CFAP77: variants seen among roughly 807,000 people sequenced by gnomAD.
CFAP77 encodes the protein cilia and flagella associated protein 77, also known as cilia- and flagella-associated protein 77.
Under a neutral mutation model 31.1 loss-of-function variants are expected in CFAP77, and 25 were observed. That is an observed-to-expected ratio of 0.80 (90% CI 0.59 to 1.12). The LOEUF (loss-of-function observed/expected upper bound fraction) is 1.12. Among genes scored for constraint, CFAP77 ranks in the 50% most tolerant of loss-of-function variants. CFAP77 has a pLI of 0.00. For synonymous variants in CFAP77, 151 were observed against 159.9 expected (o/e 0.94, Z 0.42); for missense variants, 377 against 397.3 (o/e 0.95, Z 0.44).
intron 1 of CFAP77, among the ~76,000 whole-genome samples, chr9:132,428,818 C>T (rs1338502795): frequency 6.6e-6 from 1 of 151,902 alleles, no homozygotes. Flanking sequence ...GAAGACCCCC[C>T]CCTGCTCTGC....
chr9:132,557,526 C>A (rs567372239), intron 5 of CFAP77, among the ~76,000 whole-genome samples: 4 of 152,330 alleles, frequency 2.6e-5, no homozygotes, highest in African/African-American at 9.6e-5. Context: ...AATCAGGGAC[C>A]TCACTCTTGC....
intron 1 of CFAP77, among the ~76,000 whole-genome samples, chr9:132,466,907 G>A (rs1851159316): frequency 6.6e-6 from 1 of 152,228 alleles, no homozygotes; most frequent in South Asian, 2.1e-4. Context: ...GCCAGGTGCA[G>A]TGGCTCACAC....
In CFAP77 at chr9:132,560,300, G is replaced by A. The variant is rs570554947; in HGVS notation, c.733-12088G>A. 1.5e-3 allele frequency among the ~76,000 whole-genome samples: 226 copies of A among 152,286 alleles called. 1 individual carries two copies. The highest frequency in any genetic ancestry group is 4.8e-3 in the African/African-American group (201 of 41,552). ...TGGCCACCAAGGTCTGGCCTCAGAC[G>A]AGGGGAGTCTGCTGTGTCCTCCACT... is the stretch of plus-strand genomic sequence containing the variant. On this transcript the variant is annotated intron_variant, in intron 5 of 5. Transcript: ENST00000393216.
chr9:132,462,234 T>C (rs530377), intron 1 of CFAP77, among the ~76,000 whole-genome samples: 50,947 of 152,026 alleles, frequency 0.34, 8,813 homozygotes, highest in African/African-American at 0.44. Context: ...CCAGTGCCTG[T>C]GGCTGATCTC....
chr9:132,474,858 A>T lies in CFAP77; in HGVS notation c.196-23837A>T, dbSNP rs184272316. Among the ~76,000 whole-genome samples, 472 of 152,328 alleles carry T rather than the reference A, an allele frequency of 3.1e-3. 2 individuals carry two copies. The highest frequency in any genetic ancestry group is 0.01 in the African/African-American group (430 of 41,568). On this transcript the variant is annotated intron_variant, in intron 1 of 5. Coordinates refer to ENST00000393216, the MANE Select transcript of CFAP77 (RefSeq NM_001282957.2). Reference sequence around the variant, plus strand: ...CTGATCTACTAATCATATTTCTTCAAATTTTATATCCCTGACCCTTGTAAA... The same window carrying T: ...CTGATCTACTAATCATATTTCTTCATATTTTATATCCCTGACCCTTGTAAA...
intron 3 of CFAP77, among the ~76,000 whole-genome samples, chr9:132,509,874 C>T (rs558201262): frequency 1.3e-5 from 2 of 152,274 alleles, no homozygotes; most frequent in East Asian, 3.9e-4. Context: ...GGAAGCCCAG[C>T]CTCCCTGGGG....
chr9:132,449,786 G>A (rs1758051), intron 1 of CFAP77, among the ~76,000 whole-genome samples: 67,444 of 151,732 alleles, frequency 0.44, 16,858 homozygotes, highest in African/African-American at 0.68. Flanking sequence ...GACATTCCAC[G>A]TGGCTACCAG....
At chr9:132,482,550 T>G in intron 1 of CFAP77, 1 of 689,518 alleles carries the variant, frequency 1.5e-6, no homozygotes, top group East Asian at 2.7e-5. Flanking sequence ...GTCTAAATGT[T>G]GTCATTACGC....
intron 3 of CFAP77, among the ~76,000 whole-genome samples, chr9:132,534,280 G>A (rs571170384): frequency 9.9e-5 from 15 of 152,126 alleles, no homozygotes; most frequent in African/African-American, 3.6e-4. Flanking sequence ...CACTAATTCT[G>A]TCATTCCTCC....
At chr9:132,548,274 CG>C (rs961134447) in intron 5 of CFAP77, among the ~76,000 whole-genome samples, 4 of 4,742 alleles carry the variant, frequency 8.4e-4, no homozygotes, top group African/African-American at 1.7e-3. Flanking sequence ...ATCTTTGGGG[CG>C]GGGGGGTGGG....
chr9:132,547,352 T>C (rs755976821), intron 5 of CFAP77, among the ~76,000 whole-genome samples: 2 of 152,204 alleles, frequency 1.3e-5, no homozygotes, highest in Non-Finnish European at 2.9e-5. Flanking sequence ...GCTAGGCTGC[T>C]GGGAGGATCC....
intron 1 of CFAP77, among the ~76,000 whole-genome samples, chr9:132,488,987 A>G (rs2118931973): frequency 1.3e-5 from 2 of 152,284 alleles, no homozygotes; most frequent in South Asian, 4.1e-4. Context: ...CAGCCAAGCC[A>G]CTTTGTGATG....
chr9:132,460,359 G>A (rs1447641659), intron 1 of CFAP77, among the ~76,000 whole-genome samples: 7 of 152,136 alleles, frequency 4.6e-5, no homozygotes, highest in Non-Finnish European at 8.8e-5. Context: ...CCTCAAGAAT[G>A]TTTGAACGTC....
intron 1 of CFAP77, among the ~76,000 whole-genome samples, chr9:132,447,565 A>G (rs1422014615): frequency 6.6e-6 from 1 of 152,250 alleles, no homozygotes; most frequent in East Asian, 1.9e-4. Context: ...ATCCCCATCC[A>G]CAAAGCAGCA....
intron 1 of CFAP77, among the ~76,000 whole-genome samples, chr9:132,457,124 C>A (rs915701993): frequency 2.0e-5 from 3 of 152,108 alleles, no homozygotes; most frequent in African/African-American, 7.2e-5. Context: ...CTGACTGAGC[C>A]CCCTAAACCG....
At chr9:132,509,725 C>A (rs994313626) in intron 3 of CFAP77, among the ~76,000 whole-genome samples, 1 of 152,148 alleles carries the variant, frequency 6.6e-6, no homozygotes, top group East Asian at 1.9e-4. Context: ...GTCAAGATTG[C>A]ACCACTACAC....
chr9:132,519,519 G>GGTGT (rs1852217685), intron 3 of CFAP77, among the ~76,000 whole-genome samples: 1 of 55,874 alleles, frequency 1.8e-5, no homozygotes, highest in Non-Finnish European at 3.6e-5. Context: ...TGGGTGGGTG[G>GGTGT]GTAGATGGAT....
rs1404439198 is a variant in CFAP77 at position 132,410,309 on chromosome 9, G to A, written c.38G>A (p.Arg13Gln). 1.0e-5 allele frequency: 16 copies of A among 1,594,328 alleles called. No individual in the cohort carries two copies. Among genetic ancestry groups the A allele is most frequent in the African/African-American group, 1.4e-5 (1 of 72,760 alleles). Residue 13 changes from arginine (R) to glutamine (Q), a missense_variant, in exon 1 of 6, where the codon CGA becomes CAA. Arg to Gln is a conservative substitution (Grantham distance 43). Transcript: ENST00000393216. ...EARSSGPDLTRWRKQQQPVRR... is the reference protein window; with the variant it reads ...EARSSGPDLTQWRKQQQPVRR... ...AGGAGCTCCGGCCCGGACCTCACGCGATGGAGGAAGCAGCAGCAGCCTGTG... is the reference window on the plus strand; with the variant it reads ...AGGAGCTCCGGCCCGGACCTCACGCAATGGAGGAAGCAGCAGCAGCCTGTG...
At chr9:132,571,452 G>A (rs1317912922) in intron 5 of CFAP77, among the ~76,000 whole-genome samples, 1 of 152,178 alleles carries the variant, frequency 6.6e-6, no homozygotes, top group East Asian at 1.9e-4. Flanking sequence ...TGAAATAGCT[G>A]TGTAGTTACT....
Sources: gnomAD v4.1 joint callset for allele counts (sites outside exome capture counted in the v4.1 genomes callset) on GRCh38, gnomAD v4.1.1 for gene constraint, MANE v1.5 for transcripts, NCBI Gene and HGNC (gene_info 2026-07-23, HGNC 2026-07-21) for gene names.